The following XPO6 variants were observed in gnomAD, a reference collection of about 807,000 sequenced individuals.
XPO6 encodes the protein exportin-6.
XPO6 carries 3 observed loss-of-function variants against 130.0 expected under a neutral mutation model. That is an observed-to-expected ratio of 0.02 (90% CI 0.01 to 0.06). The LOEUF is 0.06. Among genes scored for constraint, XPO6 ranks in the 10% least tolerant of loss-of-function variants. The pLI, the probability that XPO6 is intolerant of heterozygous loss-of-function variation, is 1.00. For synonymous variants in XPO6, 524 were observed against 548.9 expected (o/e 0.95, Z 0.63); for missense variants, 970 against 1,393.0 (o/e 0.70, Z 4.83).
intron 15 of XPO6, among the ~76,000 whole-genome samples, chr16:28,114,344 G>C (rs1179468184): frequency 3.3e-5 from 5 of 152,006 alleles, no homozygotes; most frequent in Non-Finnish European, 7.4e-5. Context: ...TACATAAAAA[G>C]AGAAAAAAGT....
chr16:28,168,331 A>T (rs2043390708), intron 5 of XPO6, among the ~76,000 whole-genome samples: 1 of 151,996 alleles, frequency 6.6e-6, no homozygotes, highest in Admixed American at 6.6e-5. Context: ...AAAAATACAA[A>T]AATTAGCCAG....
At chr16:28,112,882 CG>C (rs773683285) in intron 16 of XPO6, 21 bp downstream of exon 16, 3 of 1,607,758 alleles carry the variant, frequency 1.9e-6, no homozygotes, top group Admixed American at 1.7e-5. Flanking sequence ...CTGGGGACCC[CG>C]GGGGAGCTCT....
Position 28,106,812 on chromosome 16 carries a change from C to T in XPO6, c.2498-315G>A, listed in dbSNP as rs1408728325. On this transcript the variant is annotated intron_variant, in intron 18 of 23. Coordinates refer to ENST00000304658, the MANE Select transcript of XPO6 (RefSeq NM_015171.4). The surrounding 1 kb of genome is among the most constrained non-coding windows in gnomAD (Gnocchi z 4.2). ...TCACTGGAGAGGGATCACTTTGTGC[C>T]CACACTGATGAATGCCAACTGGGTC... 6.6e-6 allele frequency among the ~76,000 whole-genome samples: 1 copy of T among 152,156 alleles called. No homozygotes were observed. The highest frequency in any genetic ancestry group is 2.4e-5 in the African/African-American group (1 of 41,428).
intron 23 of XPO6, among the ~76,000 whole-genome samples, chr16:28,100,491 G>A (rs2086633063): frequency 1.3e-5 from 2 of 152,220 alleles, no homozygotes; most frequent in Non-Finnish European, 2.9e-5. Context: ...AACAGGATGA[G>A]TCTAAGCAAA....
At chr16:28,105,863 C>T (rs2086764799) in intron 20 of XPO6, 180 bp downstream of exon 20, 5 of 892,662 alleles carry the variant, frequency 5.6e-6, no homozygotes, top group Non-Finnish European at 8.3e-6. Context: ...CCAATGAACT[C>T]AATCAATATA....
At chr16:28,176,989 C>T (rs1157442384) in intron 3 of XPO6, among the ~76,000 whole-genome samples, 1 of 152,128 alleles carries the variant, frequency 6.6e-6, no homozygotes, top group African/African-American at 2.4e-5. Flanking sequence ...CATGTTACCA[C>T]AAATGACCTA....
rs1011510989 is a variant in XPO6, at chr16:28,107,956, G to A, written c.2342-279C>T. ...TTGCTCAGGTTTTTGCCTCTGTTTTGCCTCTGGCCATTGGCAACAAGTCCA... is the reference window on the plus strand; with the variant it reads ...TTGCTCAGGTTTTTGCCTCTGTTTTACCTCTGGCCATTGGCAACAAGTCCA... On this transcript the variant is annotated intron_variant, in intron 17 of 23. Coordinates refer to ENST00000304658, the MANE Select transcript of XPO6 (RefSeq NM_015171.4). Among the ~76,000 whole-genome samples the A allele has an allele frequency of 3.1e-4, 47 of 152,070 alleles. 1 individual carries two copies. The highest frequency in any genetic ancestry group is 7.2e-5 in the African/African-American group (3 of 41,416).
intron 21 of XPO6, 38 bp downstream of exon 21, chr16:28,104,508 G>C (rs772957619): frequency 1.2e-6 from 2 of 1,611,766 alleles, no homozygotes; most frequent in Non-Finnish European, 1.7e-6. Flanking sequence ...GGTCAGGTTA[G>C]AGGAAGTCAC....
chr16:28,125,803 T>C lies in XPO6; in HGVS notation c.1652A>G (p.His551Arg). 6.2e-7 allele frequency: 1 copy of C among 1,614,196 alleles called. No homozygotes were observed. The highest frequency in any genetic ancestry group is 8.5e-7 in the Non-Finnish European group (1 of 1,180,050). Residue 551 changes from histidine (H) to arginine (R), a missense_variant, in exon 13 of 24, where the codon CAC becomes CGC. Transcript: ENST00000304658. ...GGAGCTCAAGTCTCTCAGGGAGCAG[T>C]GCAGCCGCCGGCAGTCGTTCTCCGC... ...ITAENDCRRL[H>R]CSLRDLSSLL...
intron 1 of XPO6, among the ~76,000 whole-genome samples, chr16:28,197,861 G>C (rs969423792): frequency 7.2e-6 from 1 of 138,710 alleles, no homozygotes; most frequent in Admixed American, 7.8e-5. Flanking sequence ...GGAGGTTACA[G>C]TGAGCCAAGA....
chr16:28,132,322 A>G lies in XPO6; in HGVS notation c.1606+12T>C, dbSNP rs754805747. 2 of 1,583,328 alleles carry G rather than the reference A, an allele frequency of 1.3e-6. No homozygotes were observed. Among genetic ancestry groups the G allele is most frequent in the Non-Finnish European group, 1.7e-6 (2 of 1,159,344 alleles). On this transcript the variant is annotated intron_variant, in intron 12 of 23. Coordinates refer to ENST00000304658, the MANE Select transcript of XPO6 (RefSeq NM_015171.4). The surrounding 1 kb of genome is among the most constrained non-coding windows in gnomAD (Gnocchi z 4.0). ...AATGTTTGGTTAAATTAGAAAATAAAAACCAGTTTACCTGACCCTGAAGTG... is the reference window on the plus strand; with the variant it reads ...AATGTTTGGTTAAATTAGAAAATAAGAACCAGTTTACCTGACCCTGAAGTG...
intron 1 of XPO6, among the ~76,000 whole-genome samples, chr16:28,191,923 C>T (rs1303564782): frequency 6.6e-6 from 1 of 152,196 alleles, no homozygotes; most frequent in East Asian, 1.9e-4. Context: ...GTAAAACCAC[C>T]TTCATCCTGA....
At chr16:28,197,219 T>C (rs985595182) in intron 1 of XPO6, among the ~76,000 whole-genome samples, 1 of 152,112 alleles carries the variant, frequency 6.6e-6, no homozygotes, top group Admixed American at 6.6e-5. Context: ...GCCACTGCAC[T>C]TTAGCCTGGG....
rs892888918 is a variant in XPO6 at position 28,101,800 on chromosome 16, C to G, written c.3045+47G>C. 6.2e-7 allele frequency: 1 copy of G among 1,602,088 alleles called. No individual in the cohort carries two copies. The highest frequency in any genetic ancestry group is 1.3e-5 in the African/African-American group (1 of 74,834). ...AGTAACCTGAGGGTGGGACACAGGC[C>G]ACAATGCCCCTGATGGAAGAATATT... On this transcript the variant is annotated intron_variant, in intron 22 of 23. Transcript: ENST00000304658. The surrounding 1 kb of genome is among the most constrained non-coding windows in gnomAD (Gnocchi z 5.4).
chr16:28,205,905 G>C (rs1209808186), intron 1 of XPO6, among the ~76,000 whole-genome samples: 1 of 151,856 alleles, frequency 6.6e-6, no homozygotes, highest in Non-Finnish European at 1.5e-5. Flanking sequence ...AGGCATGGTG[G>C]TGCGCACCTG....
chr16:28,128,042 G>T (rs939616137), intron 12 of XPO6, among the ~76,000 whole-genome samples: 7 of 152,166 alleles, frequency 4.6e-5, no homozygotes, highest in African/African-American at 1.7e-4. Context: ...TGAACTGAGA[G>T]GGATTTTCAT....
intron 9 of XPO6, among the ~76,000 whole-genome samples, chr16:28,135,682 T>C (rs950349239): frequency 1.3e-5 from 2 of 152,236 alleles, no homozygotes; most frequent in African/African-American, 4.8e-5. Context: ...TCCATCTTTT[T>C]ACTTGCAATC....
intron 7 of XPO6, chr16:28,155,791 A>AAAAGGGGGC: frequency 1.8e-6 from 1 of 558,744 alleles, no homozygotes. Context: ...AATAGTAAGG[A>AAAAGGGGGC]AAAGGGGGCA....
At chr16:28,130,105 A>T (rs1362612850) in intron 12 of XPO6, among the ~76,000 whole-genome samples, 3 of 152,266 alleles carry the variant, frequency 2.0e-5, no homozygotes, top group Non-Finnish European at 1.5e-5. Flanking sequence ...CAGGCTCAGC[A>T]GCAGGAAGGG....
Sources: allele counts gnomAD v4.1 joint callset (sites outside exome capture counted in the v4.1 genomes callset), GRCh38; gene constraint gnomAD v4.1.1; non-coding constraint Gnocchi (gnomAD v3.1); transcripts MANE v1.5; gene names NCBI Gene and HGNC (gene_info 2026-07-23, HGNC 2026-07-21).